CIMAP3: variants seen among roughly 807,000 people sequenced by gnomAD.
CIMAP3 encodes the protein ciliary microtubule associated protein 3.
chr1:111,335,514 G>A, the CIMAP3 span, among the ~76,000 whole-genome samples: 4 of 152,326 alleles, frequency 2.6e-5, no homozygotes, highest in African/African-American at 2.4e-5. Context: ...GTGCTTTTCC[G>A]ATGGGCTTAA....
chr1:111,350,329 T>A, the CIMAP3 span: 1 of 898,910 alleles, frequency 1.1e-6, no homozygotes, highest in Admixed American at 2.3e-5. Context: ...AGGAAGTCCT[T>A]GGTCCCAAAA....
the CIMAP3 span, among the ~76,000 whole-genome samples, chr1:111,328,765 G>A: frequency 6.6e-6 from 1 of 152,280 alleles, no homozygotes; most frequent in South Asian, 2.1e-4. Flanking sequence ...TAAGTCTCTT[G>A]AAGACAGCAC....
the CIMAP3 span, chr1:111,346,490 G>A: frequency 3.0e-6 from 3 of 1,006,472 alleles, no homozygotes; most frequent in Non-Finnish European, 2.9e-6. Context: ...GGGCTCCAAG[G>A]TGCGGGTTCC....
chr1:111,347,015 C>G, the CIMAP3 span: 28 of 1,613,930 alleles, frequency 1.7e-5, no homozygotes, highest in Non-Finnish European at 2.3e-5. Flanking sequence ...CTTAGGGGAT[C>G]ACCCCACAGA....
chr1:111,329,862 A>G, the CIMAP3 span, among the ~76,000 whole-genome samples: 1 of 151,874 alleles, frequency 6.6e-6, no homozygotes, highest in African/African-American at 2.4e-5. Context: ...TCATAATCCC[A>G]TATTTCTCAG....
At chr1:111,336,755 C>T in the CIMAP3 span, among the ~76,000 whole-genome samples, 1 of 152,160 alleles carries the variant, frequency 6.6e-6, no homozygotes, top group African/African-American at 2.4e-5. Context: ...AGAATGGAAC[C>T]AAGTTGGAAA....
At chr1:111,351,166 G>GTT in the CIMAP3 span, 11,597 of 574,140 alleles carry the variant, frequency 0.02, 237 homozygotes, top group African/African-American at 0.083. Flanking sequence ...ATAATGTACA[G>GTT]TTTTTTTTTT....
the CIMAP3 span, among the ~76,000 whole-genome samples, chr1:111,335,759 C>T: frequency 6.6e-6 from 1 of 152,246 alleles, no homozygotes; most frequent in South Asian, 2.1e-4. Flanking sequence ...GTAGGCTCCA[C>T]CTCTGCGGGC....
At chr1:111,346,420 C>T in the CIMAP3 span, 1 of 533,818 alleles carries the variant, frequency 1.9e-6, no homozygotes, top group East Asian at 3.3e-5. Context: ...CCTACAGCCG[C>T]GAATCCAGGA....
chr1:111,352,878 TC>T, the CIMAP3 span: 6 of 152,178 alleles, frequency 3.9e-5, no homozygotes, highest in Non-Finnish European at 8.8e-5. Context: ...TCAAAGCTTT[TC>T]CCAGGGAAAG....
chr1:111,346,016 A>T, the CIMAP3 span, among the ~76,000 whole-genome samples: 2 of 146,270 alleles, frequency 1.4e-5, no homozygotes, highest in Non-Finnish European at 3.0e-5. Flanking sequence ...CCCAACTTCT[A>T]AAAAAAAAAC....
the CIMAP3 span, chr1:111,348,881 T>C: frequency 2.8e-6 from 1 of 355,860 alleles, no homozygotes; most frequent in Non-Finnish European, 5.0e-6. Flanking sequence ...GTAGGTTCGA[T>C]AGATTTTTGC....
the CIMAP3 span, chr1:111,348,437 G>GT: frequency 1.5e-6 from 2 of 1,353,364 alleles, no homozygotes; most frequent in South Asian, 3.4e-5. Flanking sequence ...GGATGATTCT[G>GT]TTTTTTCTAC....
At chr1:111,349,765 G>C in the CIMAP3 span, 1 of 180,238 alleles carries the variant, frequency 5.5e-6, no homozygotes. Flanking sequence ...TAAATTGTGG[G>C]CAGTACTAAT....
chr1:111,338,547 A>G, the CIMAP3 span, among the ~76,000 whole-genome samples: 25 of 152,264 alleles, frequency 1.6e-4, 1 homozygote, highest in South Asian at 4.4e-3. Context: ...ACAGAAATAC[A>G]AACTACCATC....
the CIMAP3 span, chr1:111,351,281 GA>G: frequency 6.3e-7 from 1 of 1,583,668 alleles, no homozygotes. Flanking sequence ...AAAGACTTTA[GA>G]AAGCATCGGA....
the CIMAP3 span, among the ~76,000 whole-genome samples, chr1:111,344,069 T>C: frequency 6.6e-6 from 1 of 152,242 alleles, no homozygotes; most frequent in Non-Finnish European, 1.5e-5. Flanking sequence ...GTTTCTACTC[T>C]TTTATTATAA....
At chr1:111,324,939 G>T in the CIMAP3 span, 1 of 903,902 alleles carries the variant, frequency 1.1e-6, no homozygotes, top group Non-Finnish European at 1.3e-6. Context: ...CATCCTTTTA[G>T]CATTGGAGTC....
the CIMAP3 span, among the ~76,000 whole-genome samples, chr1:111,337,170 C>T: frequency 1.3e-5 from 2 of 152,038 alleles, no homozygotes; most frequent in South Asian, 4.1e-4. Flanking sequence ...CACCACCAGG[C>T]CTGCCCTAAA....
Sources: allele counts gnomAD v4.1 joint callset (sites outside exome capture counted in the v4.1 genomes callset), GRCh38; gene constraint gnomAD v4.1.1; transcripts MANE v1.5; gene names NCBI Gene and HGNC (gene_info 2026-07-23, HGNC 2026-07-21).